CDH17: variants seen among roughly 807,000 people sequenced by gnomAD.
CDH17 encodes cadherin 17.
CDH17 carries 67 observed loss-of-function variants against 86.3 expected under a neutral mutation model. The ratio of observed to expected loss-of-function variants is 0.78; its 90% CI spans 0.64 to 0.95. CDH17 has a LOEUF of 0.95. CDH17 is among the 40% of genes least tolerant of loss of function. CDH17 has a pLI of 0.00. For missense variants in CDH17, 993 were observed against 1,017.6 expected, an observed-to-expected ratio of 0.98 and a Z score of 0.33; for synonymous variants, 367 against 366.4, an observed-to-expected ratio of 1.00 and a Z score of -0.02.
intron 9 of CDH17, 63 bp from the exon 10 acceptor site, chr8:94,166,039 T>C (rs1426420385): frequency 5.2e-6 from 5 of 963,970 alleles, no homozygotes; most frequent in Non-Finnish European, 6.5e-6. Context: ...TTAAAATAGT[T>C]TCACTAAAAT....
chr8:94,144,972 C>T (rs1352669409), intron 15 of CDH17, among the ~76,000 whole-genome samples: 1 of 152,170 alleles, frequency 6.6e-6, no homozygotes, highest in Non-Finnish European at 1.5e-5. Flanking sequence ...TCCACTCCCA[C>T]TGGAATGGCT....
At chr8:94,152,902 A>G (rs570047963) in intron 12 of CDH17, among the ~76,000 whole-genome samples, 1 of 152,320 alleles carries the variant, frequency 6.6e-6, no homozygotes, top group South Asian at 2.1e-4. Context: ...TCCTGACCTC[A>G]AGTGACCCAC....
intron 3 of CDH17, among the ~76,000 whole-genome samples, chr8:94,179,903 T>C (rs548197826): frequency 3.9e-5 from 6 of 152,220 alleles, no homozygotes; most frequent in African/African-American, 1.4e-4. Flanking sequence ...TTAAAATGTT[T>C]GGTTTTCAAC....
At chr8:94,135,541 T>C (rs1198482849) in intron 15 of CDH17, among the ~76,000 whole-genome samples, 2 of 152,224 alleles carry the variant, frequency 1.3e-5, no homozygotes, top group Non-Finnish European at 2.9e-5. Flanking sequence ...ATTTTGAGTC[T>C]ATGTGTTTCT....
In CDH17 at chr8:94,200,514, G is replaced by C. The variant is rs4735275; in HGVS notation, c.-20-5809C>G. 9.5e-3 allele frequency among the ~76,000 whole-genome samples: 1,293 copies of C among 136,660 alleles called. 15 individuals carry two copies. The highest frequency in any genetic ancestry group is 0.033 in the East Asian group (141 of 4,312). The allele number at this position is 136,660 out of a possible 152,430, so 89.7% of individuals were successfully genotyped here. ...AGCACACCCTTTGCAACATAGATCA[G>C]AGGGTTATTATTATTATCTTTTGTT... On this transcript the variant is annotated intron_variant, in intron 1 of 17. Coordinates refer to ENST00000027335, the MANE Select transcript of CDH17 (RefSeq NM_004063.4).
intron 1 of CDH17, among the ~76,000 whole-genome samples, chr8:94,200,390 G>A (rs537295368): frequency 6.6e-6 from 1 of 152,018 alleles, no homozygotes; most frequent in South Asian, 2.1e-4. Flanking sequence ...TGTAATAATT[G>A]GCCAACCGTC....
At chr8:94,155,849 G>A (rs991376866) in intron 12 of CDH17, among the ~76,000 whole-genome samples, 2 of 152,176 alleles carry the variant, frequency 1.3e-5, no homozygotes, top group Admixed American at 1.3e-4. Flanking sequence ...AAGAACAAAT[G>A]AAAAGCAGCA....
intron 2 of CDH17, among the ~76,000 whole-genome samples, chr8:94,192,676 A>C (rs1256023494): frequency 6.6e-6 from 1 of 152,174 alleles, no homozygotes; most frequent in Non-Finnish European, 1.5e-5. Flanking sequence ...GTGATTATGT[A>C]GTATTTGTAC....
Position 94,136,051 on chromosome 8 carries a change from G to A in CDH17, c.2168-5059C>T, listed in dbSNP as rs1271311084. On this transcript the variant is annotated intron_variant, in intron 15 of 17. Coordinates refer to ENST00000027335, the MANE Select transcript of CDH17 (RefSeq NM_004063.4). Reference sequence around the variant, plus strand: ...GTTAGTCTGATGGGCTTCCCTTTGTGGGTAACCCGACCTTTCTCTCTGGCT... The same window carrying A: ...GTTAGTCTGATGGGCTTCCCTTTGTAGGTAACCCGACCTTTCTCTCTGGCT... Among the ~76,000 whole-genome samples, 3 of 152,262 alleles carry A rather than the reference G, an allele frequency of 2.0e-5. No homozygotes were observed. The East Asian group carries it at 5.8e-4, about 29-fold the overall frequency.
intron 13 of CDH17, among the ~76,000 whole-genome samples, chr8:94,150,158 A>G (rs1165762461): frequency 2.0e-5 from 3 of 152,208 alleles, no homozygotes; most frequent in Non-Finnish European, 1.5e-5. Flanking sequence ...ATGGGTAATG[A>G]GTATGAAACC....
At chr8:94,152,782 G>T (rs969079940) in intron 12 of CDH17, among the ~76,000 whole-genome samples, 1 of 152,122 alleles carries the variant, frequency 6.6e-6, no homozygotes, top group Non-Finnish European at 1.5e-5. Context: ...ACTTTGTGCT[G>T]TGTTATCCTA....
At chr8:94,152,156 T>C (rs1563571065) in intron 12 of CDH17, 44 bp from the exon 13 acceptor site, 1 of 1,603,654 alleles carries the variant, frequency 6.2e-7, no homozygotes, top group Non-Finnish European at 8.5e-7. Flanking sequence ...GGTGATTAGC[T>C]CCCTTAAAAG....
chr8:94,210,226 TAAAAAAAAAAAAA>T (rs71567010), upstream of CDH17, among the ~76,000 whole-genome samples: 43 of 53,458 alleles, frequency 8.0e-4, 1 homozygote, highest in African/African-American at 2.9e-3. Context: ...TTTATGCGAG[TAAAAAAAAAAAAA>T]AAAAAAAAAA....
At chr8:94,148,721 G>GTTTTTTTTTTTTTTT (rs151133817) in intron 14 of CDH17, 23 bp downstream of exon 14, 8 of 1,123,028 alleles carry the variant, frequency 7.1e-6, no homozygotes, top group South Asian at 1.8e-5. Flanking sequence ...CTTTTTTTTT[G>GTTTTTTTTTTTTTTT]TTTTTTTTTT....
chr8:94,146,358 G>A (rs1384348972), intron 14 of CDH17, among the ~76,000 whole-genome samples, 191 bp from the exon 15 acceptor site: 1 of 152,198 alleles, frequency 6.6e-6, no homozygotes. Context: ...TAATAACTAA[G>A]AGATATGTGC....
chr8:94,209,004 C>A (rs558006746), upstream of CDH17, among the ~76,000 whole-genome samples: 9 of 152,110 alleles, frequency 5.9e-5, no homozygotes, highest in African/African-American at 2.2e-4. Context: ...TCATTGATAA[C>A]CAGCCACATG....
At chr8:94,214,229 A>G (rs910907715) in intron 1 of CDH17, among the ~76,000 whole-genome samples, 3 of 152,060 alleles carry the variant, frequency 2.0e-5, no homozygotes, top group Non-Finnish European at 4.4e-5. Flanking sequence ...GTGACTGCCT[A>G]GGAAGTACTG....
chr8:94,148,634 T>G lies in CDH17; in HGVS notation c.1927+110A>C, dbSNP rs540314256. The G allele has an allele frequency of 4.4e-5, 35 of 796,496 alleles. 1 individual carries two copies. In the South Asian group the frequency reaches 7.3e-4, roughly 17 times the overall value. The allele number at this position is 796,496 out of a possible 1,614,324, so 49.3% of individuals were successfully genotyped here. Reference sequence around the variant, plus strand: ...ATCCTTCCACTTTAAGGTTGTGATATTCTGGTGTTTTGGCCCTGTCAGTTT... The same window carrying G: ...ATCCTTCCACTTTAAGGTTGTGATAGTCTGGTGTTTTGGCCCTGTCAGTTT... On this transcript the variant is annotated intron_variant, in intron 14 of 17. Transcript: ENST00000027335.
chr8:94,193,736 GGACTCA>G (rs1227945223), intron 2 of CDH17, among the ~76,000 whole-genome samples: 2 of 152,160 alleles, frequency 1.3e-5, no homozygotes. Context: ...CAGGCTGTGA[GGACTCA>G]GGCTTCTCAT....
Sources: gnomAD v4.1 joint callset for allele counts (sites outside exome capture counted in the v4.1 genomes callset) on GRCh38, gnomAD v4.1.1 for gene constraint, MANE v1.5 for transcripts, NCBI Gene and HGNC (gene_info 2026-07-23, HGNC 2026-07-21) for gene names.